The following LY75 variants were observed in gnomAD, a reference collection of about 807,000 sequenced individuals.
LY75 encodes the protein C-type lectin domain family 13 member B.
A neutral mutation model predicts 231.7 loss-of-function variants in LY75; 185 were observed. That is an observed-to-expected ratio of 0.80 (90% CI 0.71 to 0.90). The LOEUF (loss-of-function observed/expected upper bound fraction) is 0.90, where lower values mean the gene tolerates loss of function less well. LY75 is among the 40% of genes least tolerant of loss of function. The pLI is 0.00. For synonymous variants in LY75, 668 were observed against 689.0 expected (o/e 0.97, Z 0.48); for missense variants, 1,947 against 2,050.2 (o/e 0.95, Z 0.97).
intron 24 of LY75, 69 bp downstream of exon 24, chr2:159,842,174 ACT>A (rs201135691): frequency 8.8e-4 from 1,264 of 1,437,040 alleles, no homozygotes; most frequent in East Asian, 3.5e-3. Flanking sequence ...ATAGAAAGTG[ACT>A]CTCTCTCTCT....
intron 31 of LY75, 145 bp from the exon 32 acceptor site, chr2:159,810,820 T>C: frequency 8.2e-7 from 1 of 1,214,040 alleles, no homozygotes; most frequent in Middle Eastern, 2.3e-4. Flanking sequence ...CAGCCCACAC[T>C]CTATAAATAC....
At chr2:159,877,030 A>AAAAAG (rs1206035646) in intron 11 of LY75, among the ~76,000 whole-genome samples, 46 of 146,450 alleles carry the variant, frequency 3.1e-4, no homozygotes, top group African/African-American at 1.1e-3. Context: ...AAAAAAAAAA[A>AAAAAG]AAAAGAAAAA....
At chr2:159,853,459 C>T in intron 19 of LY75, 107 bp from the exon 20 acceptor site, 2 of 1,474,272 alleles carry the variant, frequency 1.4e-6, no homozygotes, top group Non-Finnish European at 1.8e-6. Context: ...AATACCATTA[C>T]TCTATACCCC....
chr2:159,858,187 T>C (rs1318741766), intron 16 of LY75, among the ~76,000 whole-genome samples, 175 bp downstream of exon 16: 1 of 152,224 alleles, frequency 6.6e-6, no homozygotes, highest in Non-Finnish European at 1.5e-5. Flanking sequence ...TTCAATAAGC[T>C]AGCCTTCTAT....
intron 3 of LY75, among the ~76,000 whole-genome samples, chr2:159,890,833 C>A (rs537577488): frequency 6.6e-6 from 1 of 152,162 alleles, no homozygotes; most frequent in Non-Finnish European, 1.5e-5. Flanking sequence ...AGATATTGAG[C>A]CCAAGTGACT....
Position 159,904,666 on chromosome 2 carries a change from G to C in LY75, c.17C>G (p.Ala6Gly), listed in dbSNP as rs542966991. The change falls in exon 1 of 35, where the codon GCG (alanine) becomes GGG (glycine). Residue 6 changes from alanine (A) to glycine (G), a missense_variant. Coordinates refer to ENST00000263636, the MANE Select transcript of LY75 (RefSeq NM_002349.4). ...GAGCCCCGCCGGGCGGCGAGGGGTC[G>C]CCCAGCCTGTCCTCATCCTGAGCTG... Reference protein sequence around the residue: MRTGWATPRRPAGLLM... With the variant: MRTGWGTPRRPAGLLM... 9 of 1,484,554 alleles carry C rather than the reference G, an allele frequency of 6.1e-6. No individual in the cohort carries two copies. The South Asian group carries it at 8.9e-5, about 15-fold the overall frequency. 92.0% of individuals were successfully genotyped at this position (1,484,554 alleles called of 1,614,324 possible). A position where few individuals can be genotyped will look rare whatever the true frequency, so the allele number is the denominator to read the frequency against.
intron 25 of LY75, among the ~76,000 whole-genome samples, chr2:159,838,612 A>G (rs6733741): frequency 0.11 from 16,775 of 152,186 alleles, 2,684 homozygotes; most frequent in African/African-American, 0.35. Flanking sequence ...AGGGTGACTG[A>G]AACTAGGAAA....
intron 28 of LY75, among the ~76,000 whole-genome samples, chr2:159,829,464 C>A (rs1240252114): frequency 2.6e-5 from 4 of 152,086 alleles, no homozygotes; most frequent in African/African-American, 9.7e-5. Flanking sequence ...CATGGCCCTG[C>A]TATTGAAAAA....
In LY75 at chr2:159,890,394, G is replaced by A. The variant is rs1411394139; in HGVS notation, c.638-17C>T. Reference sequence around the variant, plus strand: ...AACCGTTTTCTGTTGATAAAGACACGTTAGTGATCATAAAGTAAGGACATA... The same window carrying A: ...AACCGTTTTCTGTTGATAAAGACACATTAGTGATCATAAAGTAAGGACATA... On this transcript the variant is annotated splice_polypyrimidine_tract_variant and intron_variant, in intron 3 of 34. Transcript: ENST00000263636. 13 of 1,611,494 alleles carry A rather than the reference G, an allele frequency of 8.1e-6. No homozygotes were observed. The highest frequency in any genetic ancestry group is 1.7e-4 in the Middle Eastern group (1 of 6,040).
At chr2:159,849,884 G>A (rs1036837651) in intron 23 of LY75, 96 bp downstream of exon 23, 33 of 1,457,988 alleles carry the variant, frequency 2.3e-5, no homozygotes, top group Admixed American at 4.5e-5. Context: ...CATACAAATG[G>A]AATAATACAG....
chr2:159,815,701 T>A, intron 30 of LY75, 128 bp from the exon 31 acceptor site: 1 of 1,153,644 alleles, frequency 8.7e-7, no homozygotes, highest in South Asian at 1.6e-5. Context: ...GTATTGTAGG[T>A]CTGAACCTAC....
rs775595621 is a variant in LY75 at position 159,853,639 on chromosome 2, T to G, written c.2654A>C (p.His885Pro). Residue 885 changes from histidine to proline, a missense_variant, in exon 19 of 35, where the codon CAT (histidine) becomes CCT (proline). His to Pro is a moderately conservative substitution (Grantham distance 77, BLOSUM62 -2). Coordinates refer to ENST00000263636, the MANE Select transcript of LY75 (RefSeq NM_002349.4). Reference protein sequence around the residue: ...IRISEWPIDDHFTYSRYPWHR... With the variant: ...IRISEWPIDDPFTYSRYPWHR... The stretch of plus-strand genomic sequence containing the variant: ...CAATGATGTCACCTACTATGTAAAA[T>G]GATCATCTATTGGCCACTCGCTAAT... 5 of 1,613,444 alleles carry G rather than the reference T, an allele frequency of 3.1e-6. No homozygotes were observed. The East Asian group carries it at 1.1e-4, about 36-fold the overall frequency.
chr2:159,902,826 T>C (rs933332399), intron 1 of LY75: 1 of 152,146 alleles, frequency 6.6e-6, no homozygotes, highest in African/African-American at 2.4e-5. Flanking sequence ...CCCTGATGGA[T>C]TGGTTTACTT....
chr2:159,840,005 C>CAAAAAAAAAAAAAAAAAAAAA (rs10671183), intron 25 of LY75, among the ~76,000 whole-genome samples: 12 of 58,914 alleles, frequency 2.0e-4, no homozygotes, highest in South Asian at 1.1e-3. Flanking sequence ...GAACCTGTCT[C>CAAAAAAAAAAAAAAAAAAAAA]AAAAAAAAAA....
chr2:159,840,968 G>T lies in LY75; in HGVS notation c.3281-13C>A. On this transcript the variant is annotated splice_polypyrimidine_tract_variant and intron_variant, in intron 24 of 34. Transcript: ENST00000263636. The stretch of plus-strand genomic sequence containing the variant: ...CTGCTTTTAACTTCTGCATGTAAAA[G>T]AAAACAACAACAACAACAAACCCTT... 1 of 1,611,156 alleles carries T rather than the reference G, an allele frequency of 6.2e-7. No homozygotes were observed. Among genetic ancestry groups the T allele is most frequent in the South Asian group, 1.1e-5 (1 of 90,976 alleles).
At chr2:159,887,570 A>AG (rs1190184099) in intron 4 of LY75, among the ~76,000 whole-genome samples, 2 of 100,398 alleles carry the variant, frequency 2.0e-5, no homozygotes, top group African/African-American at 6.7e-5. Context: ...CAACAACAAA[A>AG]AAAAAAAAAA....
At chr2:159,848,150 T>TGG (rs1320016075) in intron 23 of LY75, among the ~76,000 whole-genome samples, 1 of 112,798 alleles carries the variant, frequency 8.9e-6, no homozygotes, top group Non-Finnish European at 1.6e-5. Flanking sequence ...TATTTATATA[T>TGG]GGTGTGTGTG....
In LY75 at chr2:159,878,343, G is replaced by T; in HGVS notation, c.1755C>A (p.Asn585Lys). The change falls in exon 11 of 35, where the codon AAC (asparagine) becomes AAA (lysine). Residue 585 changes from asparagine to lysine, a missense_variant. Physicochemically the swap from Asn to Lys is moderately conservative, Grantham distance 94 (BLOSUM62 0). Coordinates refer to ENST00000263636, the MANE Select transcript of LY75 (RefSeq NM_002349.4). ...GGRRRAVTFS[N>K]WNFLEPASPG... ...ACTCACCTGGCTCAAGAAAATTCCAGTTGGAAAAGGTTACAGCCCGCCTTC... is the reference window on the plus strand; with the variant it reads ...ACTCACCTGGCTCAAGAAAATTCCATTTGGAAAAGGTTACAGCCCGCCTTC... 6.2e-7 allele frequency: 1 copy of T among 1,613,898 alleles called. No individual in the cohort carries two copies. The highest frequency in any genetic ancestry group is 1.1e-5 in the South Asian group (1 of 91,032).
At chr2:159,856,638 C>A (rs1684556330) in intron 16 of LY75, among the ~76,000 whole-genome samples, 1 of 152,098 alleles carries the variant, frequency 6.6e-6, no homozygotes, top group Non-Finnish European at 1.5e-5. Context: ...TCATTGATTT[C>A]TTCAAGTGAT....
Sources: gnomAD v4.1 joint callset for allele counts (sites outside exome capture counted in the v4.1 genomes callset) on GRCh38, gnomAD v4.1.1 for gene constraint, MANE v1.5 for transcripts, NCBI Gene and HGNC (gene_info 2026-07-23, HGNC 2026-07-21) for gene names.